The following DCAF8 variants were observed in gnomAD, a reference collection of about 807,000 sequenced individuals.
DCAF8 encodes DDB1- and CUL4-associated factor 8.
DCAF8 carries 20 observed loss-of-function variants against 68.0 expected under a neutral mutation model. That is an observed-to-expected ratio of 0.29 (90% confidence interval 0.21 to 0.43). The LOEUF is 0.43. DCAF8 is among the 20% of genes least tolerant of loss of function. DCAF8 has a pLI of 1.00. For missense variants in DCAF8, 460 were observed against 771.0 expected (o/e 0.60, Z 4.78); for synonymous variants, 230 against 276.9 (o/e 0.83, Z 1.68).
intron 10 of DCAF8, among the ~76,000 whole-genome samples, chr1:160,223,816 T>G (rs1002415314): frequency 2.6e-5 from 4 of 152,188 alleles, no homozygotes; most frequent in Non-Finnish European, 4.4e-5. Context: ...GAAGATCACC[T>G]GAGCCCGGGA....
chr1:160,222,042 T>G (rs1655318883), intron 11 of DCAF8, among the ~76,000 whole-genome samples: 1 of 152,218 alleles, frequency 6.6e-6, no homozygotes, highest in Non-Finnish European at 1.5e-5. Context: ...TCCTTATATG[T>G]ACACATGTAT....
Position 160,217,724 on chromosome 1 carries a change from G to A in DCAF8, c.1678-16C>T. 1 of 1,602,702 alleles carries A rather than the reference G, an allele frequency of 6.2e-7. No individual in the cohort carries two copies. Among genetic ancestry groups the A allele is most frequent in the South Asian group, 1.1e-5 (1 of 90,758 alleles). On this transcript the variant is annotated splice_polypyrimidine_tract_variant and intron_variant, in intron 13 of 13. Coordinates refer to ENST00000368074, the MANE Select transcript of DCAF8 (RefSeq NM_015726.4). ...CTCGCCAGCGCTGTGGATGGGAAAG[G>A]CTTGTTAGTAACTTCCCTGGATGGA...
rs1463551041 is a variant in DCAF8, at chr1:160,229,026, G to A, written c.1070+2271C>T. Among the ~76,000 whole-genome samples, 6 of 152,230 alleles carry A rather than the reference G, an allele frequency of 3.9e-5. No individual in the cohort carries two copies. In the South Asian group the frequency reaches 6.2e-4, roughly 16 times the overall value. On this transcript the variant is annotated intron_variant, in intron 7 of 13. Coordinates refer to ENST00000368074, the MANE Select transcript of DCAF8 (RefSeq NM_015726.4). ...CCTCAAAATCTTCACATAGCCAGGC[G>A]CGGTGGCTCACGACTGTAATCCCAG...
chr1:160,262,284 T>G (rs1356484261), intron 1 of DCAF8, 165 bp downstream of exon 1: 2 of 398,352 alleles, frequency 5.0e-6, no homozygotes, highest in African/African-American at 2.1e-5. Context: ...ACCGGGTAGG[T>G]CAAGGGAGGG....
rs1655448355 is a variant in DCAF8 at position 160,225,620 on chromosome 1, C to T, written c.1114G>A (p.Val372Ile). 6.2e-7 allele frequency: 1 copy of T among 1,613,702 alleles called. No individual in the cohort carries two copies. Among genetic ancestry groups the T allele is most frequent in the Non-Finnish European group, 8.5e-7 (1 of 1,179,672 alleles). The part of the protein sequence containing the change: ...RKIDENENNG[V>I]LKKFCPHHLV... Reference sequence around the variant, plus strand: ...TGATGAGGACAGAACTTCTTGAGTACTCCATTGTTCTCATTCTCATCAATT... The same window carrying T: ...TGATGAGGACAGAACTTCTTGAGTATTCCATTGTTCTCATTCTCATCAATT... Residue 372 changes from valine (V) to isoleucine (I), a missense_variant, in exon 8 of 14, where the codon GTA becomes ATA. This residue lies in a region of DCAF8 where 170 missense variants were observed against 318.2 expected (regional missense o/e 0.53). Coordinates refer to ENST00000368074, the MANE Select transcript of DCAF8 (RefSeq NM_015726.4).
intron 6 of DCAF8, among the ~76,000 whole-genome samples, chr1:160,231,856 A>G (rs1478248007): frequency 6.6e-6 from 1 of 152,170 alleles, no homozygotes; most frequent in Non-Finnish European, 1.5e-5. Context: ...GTAGGCTAAA[A>G]AAGACCTTAA....
At chr1:160,256,361 C>T (rs1263795641) in intron 2 of DCAF8, among the ~76,000 whole-genome samples, 1 of 152,078 alleles carries the variant, frequency 6.6e-6, no homozygotes, top group East Asian at 1.9e-4. Flanking sequence ...GTACAACTTA[C>T]AATAAAACAT....
intron 1 of DCAF8, 85 bp downstream of exon 1, chr1:160,262,364 G>T: frequency 2.5e-6 from 1 of 399,710 alleles, no homozygotes; most frequent in Non-Finnish European, 4.4e-6. Context: ...CCCGTCTTGG[G>T]TCATCCTTCT....
chr1:160,253,755 G>A (rs1571113223), intron 2 of DCAF8, among the ~76,000 whole-genome samples: 1 of 151,600 alleles, frequency 6.6e-6, no homozygotes, highest in African/African-American at 2.4e-5. Flanking sequence ...GAGTCCCAGA[G>A]GTCGAGATTG....
intron 6 of DCAF8, among the ~76,000 whole-genome samples, chr1:160,234,900 G>A (rs1372093886): frequency 6.6e-6 from 1 of 152,126 alleles, no homozygotes; most frequent in Non-Finnish European, 1.5e-5. Context: ...ATATAAACAA[G>A]CAACATATCT....
chr1:160,220,410 C>T (rs1655257198), intron 11 of DCAF8: 1 of 152,288 alleles, frequency 6.6e-6, no homozygotes, highest in East Asian at 1.9e-4. Context: ...GAACTTAAGA[C>T]TAAGGAAAAA....
chr1:160,251,799 G>A (rs1423019998), intron 2 of DCAF8, among the ~76,000 whole-genome samples: 1 of 152,050 alleles, frequency 6.6e-6, no homozygotes, highest in African/African-American at 2.4e-5. Flanking sequence ...AGAACCTCAG[G>A]CACTGAAACT....
At chr1:160,239,494 T>A in intron 4 of DCAF8, 1 of 1,476,572 alleles carries the variant, frequency 6.8e-7, no homozygotes, top group Non-Finnish European at 9.0e-7. Flanking sequence ...CTATGAGGCT[T>A]CCAACAGTCC....
chr1:160,232,483 A>G (rs1655727290), intron 6 of DCAF8, among the ~76,000 whole-genome samples: 1 of 152,162 alleles, frequency 6.6e-6, no homozygotes, highest in Admixed American at 6.5e-5. Flanking sequence ...TCTACCAAAA[A>G]TAAAAAAATT....
intron 4 of DCAF8, chr1:160,239,017 G>T: frequency 2.1e-6 from 1 of 483,888 alleles, no homozygotes; most frequent in South Asian, 4.0e-5. Context: ...GATGAACTAG[G>T]ACTGTATCTA....
At chr1:160,220,299 T>C (rs1240003277) in intron 11 of DCAF8, among the ~76,000 whole-genome samples, 1 of 152,246 alleles carries the variant, frequency 6.6e-6, no homozygotes, top group East Asian at 1.9e-4. Context: ...CTGCACTTTT[T>C]CATCTATCTC....
At chr1:160,219,132 T>A in intron 11 of DCAF8, 164 bp from the exon 12 acceptor site, 1 of 857,014 alleles carries the variant, frequency 1.2e-6, no homozygotes, top group Non-Finnish European at 1.8e-6. Context: ...GCACTGAGGG[T>A]AGAGAAACCA....
chr1:160,240,860 T>C (rs1429511502), intron 3 of DCAF8, among the ~76,000 whole-genome samples: 2 of 152,300 alleles, frequency 1.3e-5, no homozygotes, highest in East Asian at 3.9e-4. Flanking sequence ...TGTTGCACCA[T>C]TTCCTACTTT....
At chr1:160,230,926 ATT>A (rs879710388) in intron 7 of DCAF8, among the ~76,000 whole-genome samples, 1 of 144,344 alleles carries the variant, frequency 6.9e-6, no homozygotes, top group East Asian at 2.0e-4. Flanking sequence ...TAATTTTTGT[ATT>A]TTTTTTTTTA....
Sources: allele counts gnomAD v4.1 joint callset (sites outside exome capture counted in the v4.1 genomes callset), GRCh38; gene constraint gnomAD v4.1.1; regional missense constraint gnomAD v4.1.1; transcripts MANE v1.5; gene names NCBI Gene and HGNC (gene_info 2026-07-23, HGNC 2026-07-21).